The following USP42 variants were observed in gnomAD, a reference collection of about 807,000 sequenced individuals.
USP42 encodes ubiquitin specific peptidase 42.
Under a neutral mutation model 113.0 loss-of-function variants are expected in USP42, and 23 were observed. The observed-to-expected ratio is 0.20, with a 90% CI of 0.15 to 0.29. USP42 has a LOEUF of 0.29. Among genes scored for constraint, USP42 ranks in the 10% least tolerant of loss-of-function variants. USP42 has a pLI of 1.00. For missense variants in USP42, 2,174 were observed against 1,779.8 expected, an observed-to-expected ratio of 1.22 and a Z score of -3.99; for synonymous variants, 933 against 699.0, an observed-to-expected ratio of 1.33 and a Z score of -5.28.
intron 2 of USP42, 109 bp downstream of exon 2, chr7:6,111,483 A>AG: frequency 2.3e-6 from 3 of 1,304,044 alleles, no homozygotes; most frequent in Non-Finnish European, 2.1e-6. Flanking sequence ...AGGCCACCTG[A>AG]GTGGCCAGCA....
At chr7:6,111,566 T>G (rs1266632723) in intron 2 of USP42, among the ~76,000 whole-genome samples, 192 bp downstream of exon 2, 1 of 152,134 alleles carries the variant, frequency 6.6e-6, no homozygotes, top group African/African-American at 2.4e-5. Flanking sequence ...GTAGATTGTT[T>G]TTAGTTGCTA....
Position 6,153,865 on chromosome 7 carries a change from A to G in USP42, c.2311A>G (p.Ser771Gly), listed in dbSNP as rs776488057. Residue 771 changes from serine to glycine, a missense_variant, in exon 15 of 18, where the codon AGC becomes GGC. Ser to Gly is a moderately conservative substitution (Grantham distance 56, BLOSUM62 0). Coordinates refer to ENST00000306177, the MANE Select transcript of USP42 (RefSeq NM_032172.3). ...GCCAGATGCGGCCGCCGGCCTCAGC[A>G]GCACCAAGAAGGCTCCGCCGCCCCG... ...EEPDAAAGLS[S>G]TKKAPPPRDP... 10 of 1,556,998 alleles carry G rather than the reference A, an allele frequency of 6.4e-6. No individual in the cohort carries two copies. Among genetic ancestry groups the G allele is most frequent in the Admixed American group, 3.9e-5 (2 of 51,690 alleles).
chr7:6,106,089 G>C (rs1406859305), intron 1 of USP42, among the ~76,000 whole-genome samples: 1 of 152,130 alleles, frequency 6.6e-6, no homozygotes, highest in East Asian at 1.9e-4. Flanking sequence ...AATTGCCTAG[G>C]GGATATGAAT....
Position 6,159,309 on chromosome 7 carries a change from C to A in USP42, c.3944-141C>A. 9.6e-7 allele frequency: 1 copy of A among 1,043,900 alleles called. No homozygotes were observed. Among genetic ancestry groups the A allele is most frequent in the Non-Finnish European group, 1.4e-6 (1 of 694,636 alleles). 64.7% of individuals were successfully genotyped at this position (1,043,900 alleles called of 1,614,324 possible). On this transcript the variant is annotated intron_variant, in intron 16 of 17. Transcript: ENST00000306177. This position sits in a 1 kb window ranked among gnomAD's most constrained non-coding sequence, Gnocchi z 4.1. ...CGCTGAGCGCTGGGACATCCCTGCT[C>A]ACCTCACTGGGGAGTGGCCTCAGGC...
At chr7:6,120,877 C>G (rs1487694290) in intron 3 of USP42, among the ~76,000 whole-genome samples, 1 of 152,198 alleles carries the variant, frequency 6.6e-6, no homozygotes, top group Non-Finnish European at 1.5e-5. Flanking sequence ...AGCCACTGCA[C>G]CCGGCTGGAA....
At chr7:6,146,670 A>G (rs1457149483) in intron 11 of USP42, among the ~76,000 whole-genome samples, 1 of 152,170 alleles carries the variant, frequency 6.6e-6, no homozygotes, top group African/African-American at 2.4e-5. Flanking sequence ...CTCAAAAAAA[A>G]ACCAAAAACC....
chr7:6,105,325 T>C (rs1405021649), intron 1 of USP42, among the ~76,000 whole-genome samples: 1 of 147,166 alleles, frequency 6.8e-6, no homozygotes, highest in East Asian at 2.0e-4. Context: ...GCCCCCCTGG[T>C]TGCCATGGAC....
intron 2 of USP42, among the ~76,000 whole-genome samples, chr7:6,113,182 A>T (rs535572811): frequency 6.6e-6 from 1 of 152,032 alleles, no homozygotes; most frequent in Non-Finnish European, 1.5e-5. Context: ...GGTGTAGGCC[A>T]CTGCACCCGG....
intron 15 of USP42, among the ~76,000 whole-genome samples, chr7:6,155,899 C>T (rs1196132149): frequency 6.6e-6 from 1 of 152,178 alleles, no homozygotes; most frequent in Non-Finnish European, 1.5e-5. Flanking sequence ...GCCGGGACTG[C>T]AGGCGTGTGC....
intron 6 of USP42, 28 bp from the exon 7 acceptor site, chr7:6,140,886 C>T (rs893050803): frequency 1.5e-6 from 2 of 1,314,398 alleles, no homozygotes; most frequent in Non-Finnish European, 2.1e-6. Context: ...ATACTTTGCT[C>T]ATCTTTTGCA....
chr7:6,155,569 G>A (rs1241082687), intron 15 of USP42, among the ~76,000 whole-genome samples: 2 of 152,184 alleles, frequency 1.3e-5, no homozygotes, highest in African/African-American at 2.4e-5. Flanking sequence ...CTTGTCAGAT[G>A]TAGTTATGTT....
At position 6,150,293 on chromosome 7, in the gene USP42, T is replaced by C. The variant is rs746663884; in HGVS notation, c.2097T>C (p.Leu699=). 6.2e-7 allele frequency: 1 copy of C among 1,613,114 alleles called. No homozygotes were observed. Among genetic ancestry groups the C allele is most frequent in the East Asian group, 2.2e-5 (1 of 44,874 alleles). Residue 699 remains leucine (L), a synonymous_variant, in exon 13 of 18, where the codon CTT becomes CTC. Transcript: ENST00000306177. ...SENPFAKANG[L]PGKLMPAPLL... ...ATCCCTTTGCTAAGGCAAACGGTCT[T>C]CCTGGAAAGGTGAGTGCACGTCAGG... is the stretch of plus-strand genomic sequence containing the variant.
the USP42 span, among the ~76,000 whole-genome samples, chr7:6,095,330 T>C: frequency 6.6e-6 from 1 of 151,088 alleles, no homozygotes; most frequent in African/African-American, 2.5e-5. Flanking sequence ...CCTGGAAATA[T>C]CTGAGCAGAC....
chr7:6,141,766 G>C (rs1353927717), intron 7 of USP42, among the ~76,000 whole-genome samples: 2 of 152,050 alleles, frequency 1.3e-5, no homozygotes, highest in African/African-American at 4.8e-5. Flanking sequence ...TTTTGAGCTT[G>C]CATTTTTCTG....
Position 6,114,678 on chromosome 7 carries a change from A to ATAT in USP42, c.242-644_242-643insATT, listed in dbSNP as rs1241045063. 2.9e-3 allele frequency among the ~76,000 whole-genome samples: 54 copies of ATAT among 18,882 alleles called. 3 individuals are homozygous for ATAT. The highest frequency in any genetic ancestry group is 0.016 in the African/African-American group (46 of 2,884). 12.4% of individuals were successfully genotyped at this position (18,882 alleles called of 152,430 possible). Reference sequence around the variant, plus strand: ...TGTGTATATATATATATATATATATATTTTTTTTTTTTTTTTTTTTTTTTT... The same window carrying ATAT: ...TGTGTATATATATATATATATATATATATTTTTTTTTTTTTTTTTTTTTTTTTT... On this transcript the variant is annotated intron_variant, in intron 2 of 17. Coordinates refer to ENST00000306177, the MANE Select transcript of USP42 (RefSeq NM_032172.3).
At chr7:6,101,817 G>A (rs1790135037), upstream of USP42, among the ~76,000 whole-genome samples, 1 of 150,732 alleles carries the variant, frequency 6.6e-6, no homozygotes, top group South Asian at 2.1e-4. Flanking sequence ...AGTGGCTCAC[G>A]CCTGCAATCC....
intron 3 of USP42, among the ~76,000 whole-genome samples, chr7:6,129,629 G>A: frequency 6.6e-6 from 1 of 151,430 alleles, no homozygotes; most frequent in South Asian, 2.1e-4. Context: ...GGGAGGCCGA[G>A]GCGGGCGGAT....
upstream of USP42, among the ~76,000 whole-genome samples, chr7:6,100,852 G>T (rs1201163430): frequency 6.6e-6 from 1 of 150,550 alleles, no homozygotes; most frequent in African/African-American, 2.5e-5. Context: ...ATTTTTAGAA[G>T]AGATGGGGTT....
rs999876861 is a variant in USP42 at position 6,157,819 on chromosome 7, C to G, written c.3943+764C>G. 5.9e-5 allele frequency among the ~76,000 whole-genome samples: 9 copies of G among 152,156 alleles called. No homozygotes were observed. Among genetic ancestry groups the G allele is most frequent in the African/African-American group, 2.2e-4 (9 of 41,442 alleles). ...CCTCCATGTGGCAGAGCGCTGGCTG[C>G]CCCTGCCAGGTGTCCTGGATTCTCT... On this transcript the variant is annotated intron_variant, in intron 16 of 17. Coordinates refer to ENST00000306177, the MANE Select transcript of USP42 (RefSeq NM_032172.3). This position sits in a 1 kb window ranked among gnomAD's most constrained non-coding sequence, Gnocchi z 4.1.
Sources: gnomAD v4.1 joint callset for allele counts (sites outside exome capture counted in the v4.1 genomes callset) on GRCh38, gnomAD v4.1.1 for gene constraint, Gnocchi (gnomAD v3.1) non-coding constraint, MANE v1.5 for transcripts, NCBI Gene and HGNC (gene_info 2026-07-23, HGNC 2026-07-21) for gene names.